CCDC171: variants seen among roughly 807,000 people sequenced by gnomAD.
CCDC171 encodes coiled-coil domain containing 171.
Under a neutral mutation model 168.2 loss-of-function variants are expected in CCDC171, and 177 were observed. The ratio of observed to expected loss-of-function variants is 1.05; its 90% CI spans 0.93 to 1.19. The LOEUF is 1.19. Ranked by LOEUF, CCDC171 falls within the 50% of genes most tolerant of loss-of-function variation. CCDC171 has a pLI of 0.00. For missense variants in CCDC171, 1,991 were observed against 1,539.0 expected (o/e 1.29, Z -4.91); for synonymous variants, 687 against 540.8 (o/e 1.27, Z -3.75).
At chr9:15,895,465 C>A (rs923274768) in intron 24 of CCDC171, among the ~76,000 whole-genome samples, 5 of 152,084 alleles carry the variant, frequency 3.3e-5, no homozygotes, top group African/African-American at 9.7e-5. Context: ...CAGAGGTGGA[C>A]TGCCTGAATT....
chr9:15,773,263 G>A (rs1362545979), intron 18 of CCDC171, among the ~76,000 whole-genome samples: 6 of 151,982 alleles, frequency 3.9e-5, no homozygotes, highest in African/African-American at 7.3e-5. Flanking sequence ...TATTATTCAC[G>A]CATATATTTT....
intron 21 of CCDC171, among the ~76,000 whole-genome samples, chr9:15,814,794 C>G (rs150243762): frequency 6.6e-6 from 1 of 152,212 alleles, no homozygotes; most frequent in East Asian, 1.9e-4. Context: ...AACAAATCTT[C>G]ATCATGCAAT....
intron 11 of CCDC171, among the ~76,000 whole-genome samples, chr9:15,699,374 T>C (rs2051493424): frequency 6.6e-6 from 1 of 152,106 alleles, no homozygotes; most frequent in African/African-American, 2.4e-5. Flanking sequence ...TAGCAAGATT[T>C]ATTGCAAAGA....
intron 6 of CCDC171, among the ~76,000 whole-genome samples, chr9:15,598,625 G>C (rs1372274557): frequency 2.0e-5 from 3 of 152,210 alleles, no homozygotes; most frequent in Admixed American, 6.5e-5. Context: ...TTTGTATTCT[G>C]TTGATTTGGT....
At chr9:16,058,447 G>A (rs889917875) in intron 1 of CCDC171, among the ~76,000 whole-genome samples, 4 of 152,148 alleles carry the variant, frequency 2.6e-5, no homozygotes, top group African/African-American at 4.8e-5. Context: ...GCGTGCACAA[G>A]TCACCTCCCC....
chr9:15,644,813 G>A (rs574427257), intron 7 of CCDC171, among the ~76,000 whole-genome samples: 1 of 152,316 alleles, frequency 6.6e-6, no homozygotes, highest in South Asian at 2.1e-4. Context: ...TCCACCTCTG[G>A]GGGCAGGGCA....
chr9:15,910,168 A>G (rs1455834375), intron 24 of CCDC171, among the ~76,000 whole-genome samples: 2 of 66,680 alleles, frequency 3.0e-5, no homozygotes, highest in Non-Finnish European at 6.1e-5. Flanking sequence ...CATGGTATAT[A>G]TGTGCACACA....
intron 3 of CCDC171, among the ~76,000 whole-genome samples, chr9:15,982,085 C>A (rs951133775): frequency 2.0e-5 from 3 of 152,248 alleles, no homozygotes; most frequent in Admixed American, 6.5e-5. Context: ...AAGATTCTGG[C>A]TCTTTCTGAC....
At chr9:16,049,090 C>G (rs1833711293) in intron 1 of CCDC171, among the ~76,000 whole-genome samples, 1 of 152,212 alleles carries the variant, frequency 6.6e-6, no homozygotes, top group South Asian at 2.1e-4. Context: ...ATCGCAATCC[C>G]AACAGATTAA....
chr9:15,898,216 A>G (rs1821152433), intron 24 of CCDC171, among the ~76,000 whole-genome samples: 1 of 152,172 alleles, frequency 6.6e-6, no homozygotes, highest in East Asian at 1.9e-4. Flanking sequence ...TGGTAAGAGC[A>G]TAGGCTTTAT....
At chr9:16,051,762 G>C (rs764641354) in intron 1 of CCDC171, among the ~76,000 whole-genome samples, 2 of 152,136 alleles carry the variant, frequency 1.3e-5, no homozygotes, top group South Asian at 4.1e-4. Flanking sequence ...TTTTCTAACT[G>C]AACTGATTTG....
intron 24 of CCDC171, among the ~76,000 whole-genome samples, chr9:15,917,729 A>C (rs1413272255): frequency 6.6e-6 from 1 of 151,692 alleles, no homozygotes; most frequent in East Asian, 1.9e-4. Flanking sequence ...GATAACTTTT[A>C]AAATGTGGAA....
chr9:15,569,544 G>C lies in CCDC171; in HGVS notation c.42-2080G>C, dbSNP rs1459884637. 1.1e-4 allele frequency among the ~76,000 whole-genome samples: 16 copies of C among 152,186 alleles called. No individual in the cohort carries two copies. In the East Asian group the frequency reaches 2.9e-3, roughly 28 times the overall value. On this transcript the variant is annotated intron_variant, in intron 2 of 25. Coordinates refer to ENST00000380701, the MANE Select transcript of CCDC171 (RefSeq NM_173550.4). ...AATTTTCTATTTTTCGGCCGGGCGC[G>C]GTGGCTCGCGCCTGTAATCCCAGCA...
At chr9:15,638,762 TAA>T (rs144383462) in intron 7 of CCDC171, among the ~76,000 whole-genome samples, 2 of 150,594 alleles carry the variant, frequency 1.3e-5, no homozygotes, top group African/African-American at 4.9e-5. Flanking sequence ...TTTCTTAGAT[TAA>T]AAAAAAACAA....
Position 15,848,935 on chromosome 9 carries a change from T to TA in CCDC171, c.3457dup (p.Thr1153AsnfsTer18). ...CTAATCACATGAGAGCAGTAGAAAATACGCTTCACAAGGTACTGTTATTTT... is the reference window on the plus strand; with the variant it reads ...CTAATCACATGAGAGCAGTAGAAAATAACGCTTCACAAGGTACTGTTATTTT... On this transcript the variant is annotated frameshift_variant, in exon 23 of 26. Coordinates refer to ENST00000380701, the MANE Select transcript of CCDC171 (RefSeq NM_173550.4). LOFTEE classifies it high-confidence loss of function. 1 of 1,552,126 alleles carries TA rather than the reference T, an allele frequency of 6.4e-7. No homozygotes were observed. Among genetic ancestry groups the TA allele is most frequent in the Non-Finnish European group, 8.7e-7 (1 of 1,144,586 alleles).
intron 6 of CCDC171, among the ~76,000 whole-genome samples, chr9:15,607,766 T>C (rs1370450795): frequency 1.3e-5 from 2 of 152,172 alleles, no homozygotes. Flanking sequence ...CCTGGCCTGC[T>C]TGTATTTTTG....
intron 24 of CCDC171, among the ~76,000 whole-genome samples, chr9:15,887,600 CA>C (rs1819607236): frequency 6.6e-6 from 1 of 152,062 alleles, no homozygotes; most frequent in Non-Finnish European, 1.5e-5. Flanking sequence ...AGAACGCACT[CA>C]AATTTCTACA....
the CCDC171 span, among the ~76,000 whole-genome samples, chr9:16,102,549 A>G: frequency 6.6e-6 from 1 of 152,072 alleles, no homozygotes; most frequent in Non-Finnish European, 1.5e-5. Flanking sequence ...AGGGAAGGTG[A>G]AACCGTCTAG....
At chr9:15,861,547 A>C (rs2061560145) in intron 23 of CCDC171, among the ~76,000 whole-genome samples, 1 of 151,698 alleles carries the variant, frequency 6.6e-6, no homozygotes, top group African/African-American at 2.4e-5. Context: ...TTTTGTTTCC[A>C]GTTACCCTGG....
Sources: gnomAD v4.1 joint callset for allele counts (sites outside exome capture counted in the v4.1 genomes callset) on GRCh38, gnomAD v4.1.1 for gene constraint, MANE v1.5 for transcripts, NCBI Gene and HGNC (gene_info 2026-07-23, HGNC 2026-07-21) for gene names.